Variants in DSCAML1 observed in about 807,000 individuals in gnomAD.
DSCAML1 encodes DS cell adhesion molecule like 1, also known as cell adhesion molecule DSCAML1.
In DSCAML1, 38 loss-of-function variants were observed where a neutral mutation model predicts 200.5. The ratio of observed to expected loss-of-function variants is 0.19; its 90% CI spans 0.15 to 0.25. DSCAML1 has a LOEUF of 0.25. DSCAML1 is among the 10% of genes least tolerant of loss of function. DSCAML1 has a pLI of 1.00. For missense variants in DSCAML1, 2,223 were observed against 2,858.8 expected, an observed-to-expected ratio of 0.78 and a Z score of 5.07; for synonymous variants, 1,215 against 1,165.0, an observed-to-expected ratio of 1.04 and a Z score of -0.87.
At position 117,696,633 on chromosome 11, in the gene DSCAML1, C is replaced by T. The variant is rs145422176; in HGVS notation, c.511+80158G>A. Among the ~76,000 whole-genome samples the T allele has an allele frequency of 2.1e-3, 314 of 152,136 alleles. 1 individual carries two copies. Among genetic ancestry groups the T allele is most frequent in the African/African-American group, 7.3e-3 (301 of 41,494 alleles). On this transcript the variant is annotated intron_variant, in intron 3 of 32. Coordinates refer to ENST00000651296, the MANE Select transcript of DSCAML1 (RefSeq NM_020693.4). ...CTCATCTTGCTGCCTGGCCTGGGAG[C>T]AGCAGCTGGTCAGGACCCGTCTCCC...
rs189541060 is a variant in DSCAML1 at position 117,571,298 on chromosome 11, C to T, written c.512-38776G>A. On this transcript the variant is annotated intron_variant, in intron 3 of 32. Transcript: ENST00000651296. ...GCAGTTATTGCTACAATTTACTGAG[C>T]AGCTGTCACTCTTACCCATCCTAGA... Among the ~76,000 whole-genome samples the T allele has an allele frequency of 3.9e-5, 6 of 152,326 alleles. No individual in the cohort carries two copies. The East Asian group carries it at 9.7e-4, about 25-fold the overall frequency.
At chr11:117,703,144 C>T (rs76414589) in intron 3 of DSCAML1, among the ~76,000 whole-genome samples, 260 of 152,254 alleles carry the variant, frequency 1.7e-3, no homozygotes, top group African/African-American at 5.9e-3. Context: ...CCAGAGCCTG[C>T]CGAGAATTTC....
At chr11:117,449,853 A>G (rs1222154159) in intron 20 of DSCAML1, among the ~76,000 whole-genome samples, 1 of 152,036 alleles carries the variant, frequency 6.6e-6, no homozygotes, top group Non-Finnish European at 1.5e-5. Context: ...GGGAAAATAC[A>G]TATGATGGGA....
chr11:117,575,544 G>T (rs1313132084), intron 3 of DSCAML1, among the ~76,000 whole-genome samples: 1 of 152,236 alleles, frequency 6.6e-6, no homozygotes, highest in East Asian at 1.9e-4. Flanking sequence ...GTGATTTGCT[G>T]TATGGCTGGG....
chr11:117,721,811 AT>A (rs953250108), intron 3 of DSCAML1, among the ~76,000 whole-genome samples: 37 of 126,352 alleles, frequency 2.9e-4, no homozygotes, highest in African/African-American at 6.3e-4. Flanking sequence ...ATATATATAT[AT>A]TTTTTTTTTT....
At chr11:117,564,458 C>A (rs930515477) in intron 3 of DSCAML1, among the ~76,000 whole-genome samples, 2 of 152,212 alleles carry the variant, frequency 1.3e-5, no homozygotes, top group Non-Finnish European at 2.9e-5. Context: ...AATCAATAGG[C>A]CTTGCAGGTC....
At chr11:117,755,054 G>T (rs1490688412) in intron 3 of DSCAML1, among the ~76,000 whole-genome samples, 4 of 152,114 alleles carry the variant, frequency 2.6e-5, no homozygotes, top group Non-Finnish European at 4.4e-5. Flanking sequence ...GTGCTGAGAG[G>T]TGAAAACAGT....
Position 117,780,511 on chromosome 11 carries a change from T to C in DSCAML1, c.346A>G (p.Asn116Asp). Residue 116 changes from asparagine to aspartate, a missense_variant, in exon 2 of 33, where the codon AAC (asparagine) becomes GAC (aspartate). This residue lies in a region of DSCAML1 where 579 missense variants were observed against 721.5 expected (regional missense o/e 0.80). Transcript: ENST00000651296. This position sits in a 1 kb window ranked among gnomAD's most constrained non-coding sequence, Gnocchi z 4.8. ...CCCTTACCTGCTTTGACGCGGATGT[T>C]GGGGCTCCGGATCTTGCCGGCAGCG... Reference protein sequence around the residue: ...ENAAGKIRSPNIRVKAVFREP... With the variant: ...ENAAGKIRSPDIRVKAVFREP... The C allele has an allele frequency of 6.9e-7, 1 of 1,449,878 alleles. No individual in the cohort carries two copies. The highest frequency in any genetic ancestry group is 9.1e-7 in the Non-Finnish European group (1 of 1,095,182). 89.8% of individuals were successfully genotyped at this position (1,449,878 alleles called of 1,614,324 possible).
At chr11:117,585,336 G>T (rs1221796332) in intron 3 of DSCAML1, among the ~76,000 whole-genome samples, 5 of 151,910 alleles carry the variant, frequency 3.3e-5, no homozygotes, top group African/African-American at 1.2e-4. Flanking sequence ...TGCAACCCCA[G>T]CCTCCCGGGT....
chr11:117,507,165 GAGA>G (rs1299362153), intron 8 of DSCAML1, among the ~76,000 whole-genome samples: 1 of 149,832 alleles, frequency 6.7e-6, no homozygotes, highest in Non-Finnish European at 1.5e-5. Flanking sequence ...GGGCAGAAGA[GAGA>G]AGGAGATAGA....
intron 21 of DSCAML1, among the ~76,000 whole-genome samples, chr11:117,443,559 T>C (rs1459185282): frequency 6.6e-6 from 1 of 152,218 alleles, no homozygotes; most frequent in Non-Finnish European, 1.5e-5. Flanking sequence ...AGCTGAGCAT[T>C]GGGACAAAGG....
At chr11:117,671,719 G>A (rs1471213876) in intron 3 of DSCAML1, among the ~76,000 whole-genome samples, 1 of 152,204 alleles carries the variant, frequency 6.6e-6, no homozygotes, top group African/African-American at 2.4e-5. Context: ...GGACATGGAA[G>A]CAAATAAAAA....
rs775166487 is a variant in DSCAML1, at chr11:117,732,915, T to C, written c.511+43876A>G. 4.9e-4 allele frequency among the ~76,000 whole-genome samples: 74 copies of C among 152,196 alleles called. 3 individuals carry two copies. Among genetic ancestry groups the C allele is most frequent in the Non-Finnish European group, 1.2e-4 (8 of 68,040 alleles). On this transcript the variant is annotated intron_variant, in intron 3 of 32. Coordinates refer to ENST00000651296, the MANE Select transcript of DSCAML1 (RefSeq NM_020693.4). ...GTATGATAATAACAAAAAAAAATTA[T>C]ATGCTTGAAAACATGCACCCAGCAC...
intron 8 of DSCAML1, among the ~76,000 whole-genome samples, chr11:117,508,685 G>A (rs1009442999): frequency 3.3e-5 from 5 of 152,112 alleles, no homozygotes; most frequent in Non-Finnish European, 7.3e-5. Flanking sequence ...GCTTGAACAC[G>A]AGCAAGGGGA....
chr11:117,539,058 G>A (rs1386040066), intron 3 of DSCAML1, among the ~76,000 whole-genome samples: 1 of 152,050 alleles, frequency 6.6e-6, no homozygotes, highest in Non-Finnish European at 1.5e-5. Context: ...ATCTCAATCC[G>A]GTCATAAAAC....
chr11:117,524,902 G>A lies in DSCAML1; in HGVS notation c.840C>T (p.Thr280=). Residue 280 remains threonine (T), a synonymous_variant, in exon 5 of 33, where the codon ACC becomes ACT. Coordinates refer to ENST00000651296, the MANE Select transcript of DSCAML1 (RefSeq NM_020693.4). ...TGTCCTCGGTCCGCAAGTCGCTGAT[G>A]GTCAGCCCTGTGATGCGCTTGGTCC... is the stretch of plus-strand genomic sequence containing the variant. The part of the protein sequence containing the change: ...SRWTKRITGL[T]ISDLRTEDSG... 6.2e-7 allele frequency: 1 copy of A among 1,613,478 alleles called. No homozygotes were observed. Among genetic ancestry groups the A allele is most frequent in the Non-Finnish European group, 8.5e-7 (1 of 1,179,826 alleles).
chr11:117,520,988 CT>C, intron 6 of DSCAML1, 141 bp downstream of exon 6: 1 of 1,153,884 alleles, frequency 8.7e-7, no homozygotes, highest in Non-Finnish European at 1.2e-6. Flanking sequence ...ACACAGGGCC[CT>C]TAGGGTGAGA....
chr11:117,588,049 C>T lies in DSCAML1; in HGVS notation c.512-55527G>A, dbSNP rs140690956. 2.4e-3 allele frequency among the ~76,000 whole-genome samples: 364 copies of T among 152,262 alleles called. 4 individuals are homozygous for T. The highest frequency in any genetic ancestry group is 0.01 in the Middle Eastern group (3 of 294). On this transcript the variant is annotated intron_variant, in intron 3 of 32. Coordinates refer to ENST00000651296, the MANE Select transcript of DSCAML1 (RefSeq NM_020693.4). ...AAGACTGATGTGGCATTTCAATGTG[C>T]CAGGTACCATTCTAAGCATGTTGGT...
In DSCAML1 at chr11:117,638,627, C is replaced by T. The variant is rs1379663086; in HGVS notation, c.512-106105G>A. Among the ~76,000 whole-genome samples the T allele has an allele frequency of 2.0e-5, 3 of 152,264 alleles. No homozygotes were observed. In the South Asian group the frequency reaches 6.2e-4, roughly 32 times the overall value. Reference sequence around the variant, plus strand: ...GATACTTTATATAAAGGGAATCATACAATATGTAGTTTTTTTGACTGGCTT... The same window carrying T: ...GATACTTTATATAAAGGGAATCATATAATATGTAGTTTTTTTGACTGGCTT... On this transcript the variant is annotated intron_variant, in intron 3 of 32. Coordinates refer to ENST00000651296, the MANE Select transcript of DSCAML1 (RefSeq NM_020693.4).
Sources: allele counts gnomAD v4.1 joint callset (sites outside exome capture counted in the v4.1 genomes callset), GRCh38; gene constraint gnomAD v4.1.1; regional missense constraint gnomAD v4.1.1; non-coding constraint Gnocchi (gnomAD v3.1); transcripts MANE v1.5; gene names NCBI Gene and HGNC (gene_info 2026-07-23, HGNC 2026-07-21).